Variants in GPC5 observed in about 807,000 individuals in gnomAD.
GPC5 encodes glypican-5.
A neutral mutation model predicts 53.9 loss-of-function variants in GPC5; 47 were observed. The observed-to-expected ratio is 0.87, with a 90% confidence interval of 0.69 to 1.11. The LOEUF (loss-of-function observed/expected upper bound fraction) is 1.11, where lower values mean the gene tolerates loss of function less well. GPC5 is among the 50% of genes most tolerant of loss of function. The pLI is 0.00. For missense variants in GPC5, 748 were observed against 713.1 expected (o/e 1.05, Z -0.56); for synonymous variants, 286 against 263.3 (o/e 1.09, Z -0.84).
intron 2 of GPC5, among the ~76,000 whole-genome samples, chr13:91,633,577 A>G (rs1019239588): frequency 4.6e-5 from 7 of 152,184 alleles, no homozygotes; most frequent in African/African-American, 1.4e-4. Flanking sequence ...TGTGGAAGAC[A>G]ACTCAGGTTG....
intron 2 of GPC5, among the ~76,000 whole-genome samples, chr13:91,595,165 A>T (rs913413412): frequency 6.6e-6 from 1 of 151,760 alleles, no homozygotes; most frequent in Non-Finnish European, 1.5e-5. Flanking sequence ...CTACAGATGT[A>T]TGCCACCACA....
At chr13:92,136,299 G>T (rs992500124) in intron 6 of GPC5, among the ~76,000 whole-genome samples, 1 of 152,082 alleles carries the variant, frequency 6.6e-6, no homozygotes, top group Non-Finnish European at 1.5e-5. Context: ...TGAAATTGCA[G>T]ATGCCAATTA....
rs59196553 is a variant in GPC5, at chr13:92,076,833, T to G, written c.1402-67997T>G. Reference sequence around the variant, plus strand: ...AAGAATCTCTATTAACATAGCTAGATCTTTTTCTTCCAGGCCCTCCCAATC... The same window carrying G: ...AAGAATCTCTATTAACATAGCTAGAGCTTTTTCTTCCAGGCCCTCCCAATC... On this transcript the variant is annotated intron_variant, in intron 6 of 7. Transcript: ENST00000377067. Among the ~76,000 whole-genome samples the G allele has an allele frequency of 5.3e-3, 805 of 152,294 alleles. 9 individuals are homozygous for G. Among genetic ancestry groups the G allele is most frequent in the African/African-American group, 0.019 (782 of 41,566 alleles).
At chr13:91,500,851 C>A (rs923390879) in intron 2 of GPC5, among the ~76,000 whole-genome samples, 3 of 152,124 alleles carry the variant, frequency 2.0e-5, no homozygotes, top group Non-Finnish European at 2.9e-5. Flanking sequence ...AGATAATTGG[C>A]TCATAGGGGT....
At chr13:91,923,708 T>C (rs375140525) in intron 6 of GPC5, among the ~76,000 whole-genome samples, 14 of 152,134 alleles carry the variant, frequency 9.2e-5, no homozygotes, top group African/African-American at 3.1e-4. Flanking sequence ...CTATCTACTA[T>C]CATGTCAATT....
At chr13:91,774,768 C>T (rs2037682702) in intron 5 of GPC5, among the ~76,000 whole-genome samples, 1 of 152,158 alleles carries the variant, frequency 6.6e-6, no homozygotes, top group African/African-American at 2.4e-5. Flanking sequence ...AAGATGAAAT[C>T]AACTCTGTGC....
rs190783765 is a variant in GPC5, at chr13:91,569,693, C to T, written c.325+120771C>T. 5.3e-5 allele frequency among the ~76,000 whole-genome samples: 8 copies of T among 152,182 alleles called. No homozygotes were observed. The East Asian group carries it at 1.5e-3, about 29-fold the overall frequency. ...ATTTTGGTAGTATTACGAGGTGAGG[C>T]CTGTTGGGAAGTGATTAAGTCAAGA... On this transcript the variant is annotated intron_variant, in intron 2 of 7. Coordinates refer to ENST00000377067, the MANE Select transcript of GPC5 (RefSeq NM_004466.6).
intron 7 of GPC5, among the ~76,000 whole-genome samples, chr13:92,174,096 G>T (rs1315003344): frequency 6.6e-6 from 1 of 151,960 alleles, no homozygotes; most frequent in Non-Finnish European, 1.5e-5. Flanking sequence ...CTGAGTGAGA[G>T]ACCCCGTCAA....
rs1461333450 is a variant in GPC5, at chr13:91,399,172, G to A, written c.126G>A (p.Leu42=). Residue 42 remains leucine (L), a synonymous_variant, in exon 1 of 8, where the codon CTG becomes CTA. Transcript: ENST00000377067. ...EVRKLFQWRL[L]GAVRGLPDSP... ...GGAAACTTTTCCAGTGGCGGCTGCTGGGAGCTGTCAGGGGGCTGCCGGATT... is the reference window on the plus strand; with the variant it reads ...GGAAACTTTTCCAGTGGCGGCTGCTAGGAGCTGTCAGGGGGCTGCCGGATT... 1 of 1,612,780 alleles carries A rather than the reference G, an allele frequency of 6.2e-7. No homozygotes were observed.
intron 7 of GPC5, among the ~76,000 whole-genome samples, chr13:92,362,747 A>C (rs1275851672): frequency 1.3e-5 from 2 of 151,780 alleles, no homozygotes; most frequent in East Asian, 3.8e-4. Flanking sequence ...AGGCTTGAAA[A>C]TCCATTTGCC....
intron 7 of GPC5, among the ~76,000 whole-genome samples, chr13:92,527,227 AAG>A (rs563932076): frequency 2.6e-4 from 14 of 53,828 alleles, no homozygotes; most frequent in African/African-American, 3.7e-4. Flanking sequence ...GAAAGAAAGA[AAG>A]AAAGAAAGAA....
chr13:92,547,819 CTTTTTTTTTTTTTTT>C (rs567478017), intron 7 of GPC5, among the ~76,000 whole-genome samples: 6 of 100,448 alleles, frequency 6.0e-5, no homozygotes, highest in African/African-American at 2.4e-4. Context: ...GCCTATTATT[CTTTTTTTTTTTTTTT>C]TTTTTTTTTC....
chr13:92,635,382 A>G (rs1999566), intron 7 of GPC5, among the ~76,000 whole-genome samples: 10,678 of 152,250 alleles, frequency 0.07, 509 homozygotes, highest in African/African-American at 0.14. Flanking sequence ...TCAGAAGACT[A>G]AGAGCATGGC....
chr13:91,562,016 G>T (rs1345498017), intron 2 of GPC5, among the ~76,000 whole-genome samples: 2 of 151,922 alleles, frequency 1.3e-5, no homozygotes, highest in Non-Finnish European at 2.9e-5. Flanking sequence ...TATTTACTGA[G>T]TTAACTGAAC....
intron 7 of GPC5, among the ~76,000 whole-genome samples, chr13:92,619,773 A>G (rs1884810792): frequency 6.6e-6 from 1 of 152,050 alleles, no homozygotes; most frequent in Non-Finnish European, 1.5e-5. Flanking sequence ...AAAACAAAGA[A>G]AAACAACAAG....
chr13:92,825,284 A>C (rs1361711680), intron 7 of GPC5, among the ~76,000 whole-genome samples: 6 of 152,136 alleles, frequency 3.9e-5, no homozygotes, highest in Non-Finnish European at 5.9e-5. Flanking sequence ...GGTGCATATA[A>C]ATTTACATTT....
chr13:92,146,166 T>A (rs2041865568), intron 7 of GPC5, among the ~76,000 whole-genome samples: 1 of 152,116 alleles, frequency 6.6e-6, no homozygotes, highest in Non-Finnish European at 1.5e-5. Context: ...GCCACAAAAT[T>A]CTTAGTGCTA....
chr13:91,416,986 T>A (rs1268878062), intron 1 of GPC5, among the ~76,000 whole-genome samples: 1 of 152,208 alleles, frequency 6.6e-6, no homozygotes, highest in Non-Finnish European at 1.5e-5. Flanking sequence ...GAAACATTTT[T>A]TACTTTTACG....
At chr13:91,813,630 G>T (rs1286743694) in intron 5 of GPC5, among the ~76,000 whole-genome samples, 1 of 152,156 alleles carries the variant, frequency 6.6e-6, no homozygotes, top group East Asian at 1.9e-4. Context: ...GGTTAGGAAT[G>T]AAGTTTGCCG....
Sources: allele counts gnomAD v4.1 joint callset (sites outside exome capture counted in the v4.1 genomes callset), GRCh38; gene constraint gnomAD v4.1.1; transcripts MANE v1.5; gene names NCBI Gene and HGNC (gene_info 2026-07-23, HGNC 2026-07-21).